MAML3: variants seen among roughly 807,000 people sequenced by gnomAD.
MAML3 encodes the protein mastermind like transcriptional coactivator 3, also known as mastermind-like protein 3.
In MAML3, 27 loss-of-function variants were observed where a neutral mutation model predicts 101.9. The observed-to-expected ratio is 0.27, with a 90% confidence interval of 0.20 to 0.37. MAML3 has a LOEUF of 0.37. Ranked by LOEUF, MAML3 falls within the 10% of genes least tolerant of loss-of-function variation. The pLI, the probability that MAML3 is intolerant of heterozygous loss-of-function variation, is 1.00. For missense variants in MAML3, 1,316 were observed against 1,444.9 expected, an observed-to-expected ratio of 0.91 and a Z score of 1.45; for synonymous variants, 501 against 555.9, an observed-to-expected ratio of 0.90 and a Z score of 1.39.
chr4:139,744,638 A>C (rs1038792176), intron 2 of MAML3, among the ~76,000 whole-genome samples: 10 of 152,240 alleles, frequency 6.6e-5, no homozygotes, highest in Admixed American at 5.2e-4. Context: ...GAGTCTGCAC[A>C]GGCCCAGTAC....
At chr4:140,151,346 G>A (rs1729163327) in intron 1 of MAML3, among the ~76,000 whole-genome samples, 1 of 151,866 alleles carries the variant, frequency 6.6e-6, no homozygotes, top group South Asian at 2.1e-4. Context: ...GATTCTTGAA[G>A]CCCAAGATAA....
chr4:140,014,488 C>G (rs530139390), intron 1 of MAML3, among the ~76,000 whole-genome samples: 1 of 152,316 alleles, frequency 6.6e-6, no homozygotes, highest in African/African-American at 2.4e-5. Flanking sequence ...GAATACCACA[C>G]AGTCATCAGA....
chr4:139,731,909 C>T (rs1384598983), intron 2 of MAML3, among the ~76,000 whole-genome samples: 1 of 152,186 alleles, frequency 6.6e-6, no homozygotes, highest in Non-Finnish European at 1.5e-5. Flanking sequence ...AATTTCTAGA[C>T]ACTTCCTTTC....
intron 2 of MAML3, among the ~76,000 whole-genome samples, chr4:139,860,972 G>C (rs1193007874): frequency 3.3e-5 from 5 of 151,796 alleles, no homozygotes; most frequent in Admixed American, 3.3e-4. Flanking sequence ...TTAAACTCAG[G>C]CAGTTTTATA....
intron 1 of MAML3, among the ~76,000 whole-genome samples, chr4:140,074,197 AAG>A (rs776180154): frequency 1.1e-5 from 1 of 89,150 alleles, no homozygotes; most frequent in South Asian, 3.9e-4. Flanking sequence ...GAGAGAAAGA[AAG>A]AGAAAGAAAG....
At chr4:139,798,815 T>C (rs1382262949) in intron 2 of MAML3, among the ~76,000 whole-genome samples, 2 of 152,258 alleles carry the variant, frequency 1.3e-5, no homozygotes, top group Non-Finnish European at 2.9e-5. Context: ...ACTTTTGGTA[T>C]TGTACTTCAG....
rs1734185371 is a variant in MAML3, at chr4:139,968,851, C to T, written c.469-77884G>A. Among the ~76,000 whole-genome samples the T allele has an allele frequency of 2.6e-5, 4 of 152,128 alleles. No individual in the cohort carries two copies. The South Asian group carries it at 8.3e-4, about 31-fold the overall frequency. ...CAGGGAGTACAGAAAGCAAATCCCA[C>T]CGCTGATGTCTGGAGGACAGAGGAG... is the stretch of plus-strand genomic sequence containing the variant. On this transcript the variant is annotated intron_variant, in intron 1 of 4. Transcript: ENST00000509479.
intron 2 of MAML3, among the ~76,000 whole-genome samples, chr4:139,772,703 T>C (rs6847111): frequency 0.7 from 106,137 of 152,048 alleles, 37,816 homozygotes; most frequent in East Asian, 0.89. Context: ...ATCAAGAGGA[T>C]GAACTTCCCA....
At chr4:140,103,020 G>A (rs570486341) in intron 1 of MAML3, among the ~76,000 whole-genome samples, 14 of 152,200 alleles carry the variant, frequency 9.2e-5, no homozygotes, top group Admixed American at 5.2e-4. Flanking sequence ...TCCCCTCACC[G>A]TCCCCATAAT....
intron 1 of MAML3, among the ~76,000 whole-genome samples, chr4:140,022,440 T>C (rs936216590): frequency 2.6e-5 from 4 of 152,192 alleles, no homozygotes; most frequent in African/African-American, 9.7e-5. Flanking sequence ...TATTTGTAGA[T>C]ACAATTCCTG....
chr4:139,838,191 G>A (rs1351389092), intron 2 of MAML3, among the ~76,000 whole-genome samples: 1 of 152,004 alleles, frequency 6.6e-6, no homozygotes, highest in African/African-American at 2.4e-5. Flanking sequence ...TTCTAACAAG[G>A]CTCCCTCTGT....
chr4:140,105,380 A>T (rs1165769614), intron 1 of MAML3, among the ~76,000 whole-genome samples: 1 of 152,212 alleles, frequency 6.6e-6, no homozygotes, highest in East Asian at 1.9e-4. Context: ...TTAGCCAGAC[A>T]CTTCATTTTA....
intron 1 of MAML3, among the ~76,000 whole-genome samples, chr4:139,902,263 GCACA>G (rs1285715593): frequency 3.1e-5 from 2 of 63,858 alleles, no homozygotes; most frequent in Non-Finnish European, 1.4e-4. Context: ...GCACACACAC[GCACA>G]CACACACGCA....
chr4:139,741,298 C>T (rs1003378815), intron 2 of MAML3, among the ~76,000 whole-genome samples: 5 of 152,122 alleles, frequency 3.3e-5, no homozygotes, highest in African/African-American at 1.2e-4. Flanking sequence ...CCGTGAGGGC[C>T]TATGGGGGAT....
chr4:140,016,471 G>A (rs1726643797), intron 1 of MAML3, among the ~76,000 whole-genome samples: 1 of 152,086 alleles, frequency 6.6e-6, no homozygotes, highest in Non-Finnish European at 1.5e-5. Context: ...TGATATAATG[G>A]AAGCAATTTT....
At chr4:140,005,211 C>T (rs539252885) in intron 1 of MAML3, among the ~76,000 whole-genome samples, 2 of 152,312 alleles carry the variant, frequency 1.3e-5, no homozygotes, top group South Asian at 4.1e-4. Context: ...TCCTCTTTCC[C>T]AGAAACTATC....
intron 1 of MAML3, among the ~76,000 whole-genome samples, chr4:140,057,880 T>C (rs1177580834): frequency 6.6e-6 from 1 of 152,162 alleles, no homozygotes; most frequent in African/African-American, 2.4e-5. Context: ...GGTTGGCTTA[T>C]GGAGGATCTC....
intron 1 of MAML3, among the ~76,000 whole-genome samples, chr4:140,020,410 A>AT (rs142339572): frequency 0.31 from 46,260 of 148,666 alleles, 7,748 homozygotes; most frequent in Non-Finnish European, 0.38. Context: ...TTTGAGGCTG[A>AT]TTTTTTTTTT....
intron 1 of MAML3, among the ~76,000 whole-genome samples, chr4:139,901,658 C>G (rs1400958522): frequency 6.6e-6 from 1 of 152,152 alleles, no homozygotes; most frequent in African/African-American, 2.4e-5. Flanking sequence ...ATGAAAAGAT[C>G]AGATCTTATC....
Sources: gnomAD v4.1 joint callset for allele counts (sites outside exome capture counted in the v4.1 genomes callset) on GRCh38, gnomAD v4.1.1 for gene constraint, MANE v1.5 for transcripts, NCBI Gene and HGNC (gene_info 2026-07-23, HGNC 2026-07-21) for gene names.